CD163L1: variants seen among roughly 807,000 people sequenced by gnomAD.
The protein encoded by CD163L1 is CD163 molecule like 1, also known as scavenger receptor cysteine-rich type 1 protein M160.
Under a neutral mutation model 165.4 loss-of-function variants are expected in CD163L1, and 124 were observed. That is an observed-to-expected ratio of 0.75 (90% CI 0.65 to 0.87). The LOEUF (loss-of-function observed/expected upper bound fraction) is 0.87. CD163L1 is among the 40% of genes least tolerant of loss of function. The probability of loss-of-function intolerance (pLI) is 0.00; values close to 1 mark genes in which losing one functional copy is unlikely to be tolerated. For missense variants in CD163L1, 1,525 were observed against 1,799.9 expected (o/e 0.85, Z 2.76); for synonymous variants, 585 against 662.2 (o/e 0.88, Z 1.79).
At chr12:7,419,193 G>A (rs886910009) in intron 4 of CD163L1, among the ~76,000 whole-genome samples, 1 of 152,058 alleles carries the variant, frequency 6.6e-6, no homozygotes, top group African/African-American at 2.4e-5. Context: ...TACCAGGGAT[G>A]AGGGATGGTT....
At chr12:7,380,416 T>TATGC (rs1358067541) in intron 8 of CD163L1, among the ~76,000 whole-genome samples, 1 of 151,548 alleles carries the variant, frequency 6.6e-6, no homozygotes, top group East Asian at 1.9e-4. Context: ...TATGTGTGTA[T>TATGC]ATATATACAC....
At chr12:7,358,424 A>G (rs1269195803) in intron 18 of CD163L1, among the ~76,000 whole-genome samples, 1 of 152,114 alleles carries the variant, frequency 6.6e-6, no homozygotes, top group African/African-American at 2.4e-5. Flanking sequence ...TTAATGAAGA[A>G]CACTTCAGTA....
intron 18 of CD163L1, among the ~76,000 whole-genome samples, chr12:7,366,237 G>A (rs1176454958): frequency 6.9e-6 from 1 of 145,798 alleles, no homozygotes; most frequent in African/African-American, 2.5e-5. Context: ...GGTTATCAGA[G>A]GCCGGAAAGG....
chr12:7,336,336 T>G, the CD163L1 span, among the ~76,000 whole-genome samples: 2 of 151,070 alleles, frequency 1.3e-5, no homozygotes, highest in African/African-American at 4.9e-5. Context: ...CCATAAAAAA[T>G]GATGAGTTCA....
At chr12:7,442,250 C>CA (rs1948840210) in intron 1 of CD163L1, among the ~76,000 whole-genome samples, 1 of 152,068 alleles carries the variant, frequency 6.6e-6, no homozygotes, top group South Asian at 2.1e-4. Flanking sequence ...AAGATGAAGT[C>CA]AGAGTTAAAC....
At chr12:7,407,804 C>G (rs1192107031) in intron 4 of CD163L1, among the ~76,000 whole-genome samples, 2 of 149,958 alleles carry the variant, frequency 1.3e-5, no homozygotes, top group African/African-American at 5.0e-5. Context: ...CACACACACA[C>G]ACAGACACAC....
At chr12:7,410,650 T>C (rs1251936226) in intron 4 of CD163L1, among the ~76,000 whole-genome samples, 1 of 131,722 alleles carries the variant, frequency 7.6e-6, no homozygotes, top group Admixed American at 8.2e-5. Context: ...GCTAATACGG[T>C]GAAACCCCGT....
At chr12:7,331,941 T>C in the CD163L1 span, among the ~76,000 whole-genome samples, 1 of 152,088 alleles carries the variant, frequency 6.6e-6, no homozygotes, top group Non-Finnish European at 1.5e-5. Flanking sequence ...GAGAATGACT[T>C]TGACAAGTTG....
chr12:7,426,269 C>T (rs1948540587), intron 4 of CD163L1, among the ~76,000 whole-genome samples: 1 of 151,972 alleles, frequency 6.6e-6, no homozygotes, highest in African/African-American at 2.4e-5. Context: ...CAGAGGGGAA[C>T]ATCAGACACT....
Position 7,432,726 on chromosome 12 carries a change from A to C in CD163L1, c.456T>G (p.Asn152Lys). ...TTCCATCCACTAGCCTCAAACCCAG[A>C]TTGGCTTCACCTACGAGAAAGACAA... Reference protein sequence around the residue: ...DVGVNCYGEANLGLRLVDGNN... With the variant: ...DVGVNCYGEAKLGLRLVDGNN... Residue 152 changes from asparagine (N) to lysine (K), a missense_variant, in exon 4 of 20, where the codon AAT becomes AAG. Asn to Lys is a moderately conservative substitution (Grantham distance 94). Transcript: ENST00000313599. This position sits in a 1 kb window ranked among gnomAD's most constrained non-coding sequence, Gnocchi z 4.2. 1 of 1,603,432 alleles carries C rather than the reference A, an allele frequency of 6.2e-7. No homozygotes were observed. Among genetic ancestry groups the C allele is most frequent in the Non-Finnish European group, 8.5e-7 (1 of 1,174,028 alleles).
intron 4 of CD163L1, among the ~76,000 whole-genome samples, chr12:7,424,164 T>C (rs1948494790): frequency 1.3e-5 from 2 of 152,202 alleles, no homozygotes; most frequent in Admixed American, 1.3e-4. Flanking sequence ...GATGCCAGGC[T>C]GGTTCAACAT....
chr12:7,322,564 T>C, the CD163L1 span: 13 of 1,604,294 alleles, frequency 8.1e-6, no homozygotes, highest in Non-Finnish European at 1.0e-5. Flanking sequence ...GGCATTTATG[T>C]TTAGTATATG....
At chr12:7,386,551 A>G (rs1448587183) in intron 8 of CD163L1, among the ~76,000 whole-genome samples, 3 of 151,258 alleles carry the variant, frequency 2.0e-5, no homozygotes, top group Non-Finnish European at 4.4e-5. Context: ...CTTGATGAAC[A>G]TAGATATAAA....
chr12:7,329,539 A>G, the CD163L1 span, among the ~76,000 whole-genome samples: 111 of 152,156 alleles, frequency 7.3e-4, no homozygotes, highest in African/African-American at 2.5e-3. Context: ...ATTAAAATAC[A>G]AAGCTTAACA....
chr12:7,371,691 G>A (rs1947149353), intron 14 of CD163L1, among the ~76,000 whole-genome samples: 2 of 151,926 alleles, frequency 1.3e-5, no homozygotes, highest in South Asian at 4.1e-4. Flanking sequence ...GATATTTAAT[G>A]TGATGTTACT....
downstream of CD163L1, among the ~76,000 whole-genome samples, chr12:7,351,216 AAT>A (rs1946704761): frequency 6.6e-6 from 1 of 152,100 alleles, no homozygotes; most frequent in South Asian, 2.1e-4. Flanking sequence ...ATATGTGTGT[AAT>A]ATGTGTGTGT....
rs1948421265 is a variant in CD163L1 at position 7,421,571 on chromosome 12, ATACATG to A, written c.766+10839_766+10844del. On this transcript the variant is annotated intron_variant, in intron 4 of 19. Coordinates refer to ENST00000313599, the MANE Select transcript of CD163L1 (RefSeq NM_174941.6). ...TATACATATACATATATGTACATAT[ATACATG>A]TACATATATACATATACATATATGT... is the stretch of plus-strand genomic sequence containing the variant. Among the ~76,000 whole-genome samples, 20 of 133,072 alleles carry A rather than the reference ATACATG, an allele frequency of 1.5e-4. 2 individuals carry two copies. The Admixed American group carries it at 1.6e-3, about 10-fold the overall frequency. The allele number at this position is 133,072 out of a possible 152,430, so 87.3% of individuals were successfully genotyped here.
intron 2 of CD163L1, chr12:7,439,239 T>G (rs1383217976): frequency 2.5e-6 from 4 of 1,573,430 alleles, no homozygotes; most frequent in African/African-American, 2.7e-5. Flanking sequence ...TTTCTTTTTT[T>G]GTTTTTCTAT....
chr12:7,421,045 A>ATATACATGTATATATATACGTGTATATG (rs1565808766), intron 4 of CD163L1, among the ~76,000 whole-genome samples: 1 of 92,466 alleles, frequency 1.1e-5, no homozygotes, highest in African/African-American at 5.9e-5. Context: ...ACGTGTATAT[A>ATATACATGTATATATATACGTGTATATG]TATGTATATA....
Sources: allele counts gnomAD v4.1 joint callset (sites outside exome capture counted in the v4.1 genomes callset), GRCh38; gene constraint gnomAD v4.1.1; non-coding constraint Gnocchi (gnomAD v3.1); transcripts MANE v1.5; gene names NCBI Gene and HGNC (gene_info 2026-07-23, HGNC 2026-07-21).